The following ST3GAL6 variants were observed in gnomAD, a reference collection of about 807,000 sequenced individuals.
ST3GAL6 encodes the protein type 2 lactosamine alpha-2,3-sialyltransferase.
In ST3GAL6, 31 loss-of-function variants were observed where a neutral mutation model predicts 40.5. That is an observed-to-expected ratio of 0.77 (90% CI 0.58 to 1.03). The LOEUF (loss-of-function observed/expected upper bound fraction) is 1.03. ST3GAL6 is among the 50% of genes least tolerant of loss of function. The pLI is 0.00. For missense variants in ST3GAL6, 357 were observed against 393.2 expected (o/e 0.91, Z 0.78); for synonymous variants, 129 against 136.9 (o/e 0.94, Z 0.40).
intron 5 of ST3GAL6, among the ~76,000 whole-genome samples, chr3:98,779,488 T>C (rs751178134): frequency 1.1e-4 from 17 of 152,218 alleles, no homozygotes; most frequent in Non-Finnish European, 1.8e-4. Flanking sequence ...CATGATGGTA[T>C]TGAAGGGAAA....
chr3:98,776,350 C>T (rs1026284297), intron 5 of ST3GAL6, among the ~76,000 whole-genome samples: 1 of 152,186 alleles, frequency 6.6e-6, no homozygotes, highest in African/African-American at 2.4e-5. Context: ...TTATGTAGTT[C>T]TCATTTCTCT....
At chr3:98,763,277 A>G (rs1576074735), upstream of ST3GAL6, 1 of 1,277,378 alleles carries the variant, frequency 7.8e-7, no homozygotes, top group Non-Finnish European at 1.0e-6. Flanking sequence ...ATAAGTACAA[A>G]GAGGAAGGAA....
intron 1 of ST3GAL6, among the ~76,000 whole-genome samples, chr3:98,765,676 A>G (rs560520332): frequency 7.2e-5 from 11 of 152,010 alleles, no homozygotes; most frequent in Non-Finnish European, 1.3e-4. Context: ...CTCTACCCAC[A>G]TTTTTGTAAA....
At position 98,773,928 on chromosome 3, in the gene ST3GAL6, T is replaced by A; in HGVS notation, c.280T>A (p.Phe94Ile). 1 of 1,613,254 alleles carries A rather than the reference T, an allele frequency of 6.2e-7. No individual in the cohort carries two copies. Among genetic ancestry groups the A allele is most frequent in the African/African-American group, 1.3e-5 (1 of 75,036 alleles). The stretch of plus-strand genomic sequence containing the variant: ...CTCCATTTGTTTTCTAGCGGAATAT[T>A]TTCGACTTGCTCTTTCAAAACTGCA... ...PYGMRTSAEY[F>I]RLALSKLQSC... The change falls in exon 5 of 10, where the codon TTT (phenylalanine) becomes ATT (isoleucine). Residue 94 changes from phenylalanine to isoleucine, a missense_variant. Transcript: ENST00000483910.
chr3:98,736,914 G>A (rs142378592), intron 1 of ST3GAL6, among the ~76,000 whole-genome samples: 91 of 152,292 alleles, frequency 6.0e-4, no homozygotes, highest in Non-Finnish European at 9.3e-4. Context: ...GGAGTGGGAG[G>A]AGATGTAGTC....
intron 2 of ST3GAL6, 40 bp downstream of exon 2, chr3:98,768,569 A>G (rs371671729): frequency 1.0e-4 from 147 of 1,433,776 alleles, no homozygotes; most frequent in Non-Finnish European, 1.4e-4. Flanking sequence ...CTCTCAACCT[A>G]GTCTTTCACA....
intron 5 of ST3GAL6, among the ~76,000 whole-genome samples, chr3:98,775,286 G>A (rs1939424588): frequency 6.6e-6 from 1 of 152,066 alleles, no homozygotes; most frequent in Non-Finnish European, 1.5e-5. Context: ...GACCAGCCTG[G>A]CCAACATAGT....
At position 98,788,028 on chromosome 3, in the gene ST3GAL6, A is replaced by C; in HGVS notation, c.432-8A>C. ...GTCTACATATCTTGTATGTTTTACTATCCACAGAATGAATAATGGTCCTGT... is the reference window on the plus strand; with the variant it reads ...GTCTACATATCTTGTATGTTTTACTCTCCACAGAATGAATAATGGTCCTGT... On this transcript the variant is annotated splice_region_variant and splice_polypyrimidine_tract_variant and intron_variant, in intron 6 of 9. Coordinates refer to ENST00000483910, the MANE Select transcript of ST3GAL6 (RefSeq NM_001323368.2). The C allele has an allele frequency of 6.2e-7, 1 of 1,609,828 alleles. No individual in the cohort carries two copies. Among genetic ancestry groups the C allele is most frequent in the Non-Finnish European group, 8.5e-7 (1 of 1,178,202 alleles).
rs188800178 is a variant in ST3GAL6 at position 98,743,258 on chromosome 3, C to T, written c.-12+10726C>T. ...TGTTCTCCAACTCCTGAGCTCAGAG[C>T]GATCCATCAACCTTGGCCTCGCAAA... On this transcript the variant is annotated intron_variant, in intron 1 of 9. Transcript: ENST00000265261. 2.9e-3 allele frequency among the ~76,000 whole-genome samples: 448 copies of T among 151,888 alleles called. 2 individuals carry two copies. The highest frequency in any genetic ancestry group is 3.5e-3 in the Admixed American group (54 of 15,248).
chr3:98,771,050 T>A (rs772130907), intron 3 of ST3GAL6, 94 bp downstream of exon 3: 64 of 1,520,076 alleles, frequency 4.2e-5, no homozygotes, highest in Non-Finnish European at 5.6e-5. Context: ...AATGCAAATC[T>A]TAGCAGTATA....
chr3:98,757,771 A>G (rs1315003793), intron 1 of ST3GAL6, among the ~76,000 whole-genome samples: 1 of 152,126 alleles, frequency 6.6e-6, no homozygotes, highest in Non-Finnish European at 1.5e-5. Flanking sequence ...GATTAAAATA[A>G]GTCTATGTCT....
At chr3:98,755,449 A>G (rs1340809683) in intron 1 of ST3GAL6, among the ~76,000 whole-genome samples, 1 of 152,200 alleles carries the variant, frequency 6.6e-6, no homozygotes, top group Non-Finnish European at 1.5e-5. Context: ...CTGTCTCAAC[A>G]TCTTGTCTTT....
chr3:98,793,605 G>A (rs1941386817), intron 9 of ST3GAL6, 70 bp from the exon 10 acceptor site: 2 of 916,464 alleles, frequency 2.2e-6, no homozygotes, highest in East Asian at 2.9e-5. Context: ...TAGATATAAA[G>A]TACTCCATTG....
intron 1 of ST3GAL6, among the ~76,000 whole-genome samples, chr3:98,766,185 A>G (rs957540203): frequency 6.6e-6 from 1 of 152,184 alleles, no homozygotes; most frequent in African/African-American, 2.4e-5. Context: ...AAAACAACAA[A>G]ACAATAACAC....
rs71120600 is a variant in ST3GAL6, at chr3:98,745,013, C to CT, written c.-12+12493dup. On this transcript the variant is annotated intron_variant, in intron 1 of 9. Coordinates refer to the ST3GAL6 transcript ENST00000265261. ...AGATCGTCTTTAAACTGCCTTACAACTTTTTTTTTTTTAAATTTTATTTAT... is the reference window on the plus strand; with the variant it reads ...AGATCGTCTTTAAACTGCCTTACAACTTTTTTTTTTTTTAAATTTTATTTAT... Among the ~76,000 whole-genome samples, 597 of 146,900 alleles carry CT rather than the reference C, an allele frequency of 4.1e-3. 3 individuals are homozygous for CT. The highest frequency in any genetic ancestry group is 5.6e-3 in the African/African-American group (227 of 40,310).
In ST3GAL6 at chr3:98,769,429, T is replaced by TA. The variant is rs1159941568; in HGVS notation, c.89+903dup. Among the ~76,000 whole-genome samples the TA allele has an allele frequency of 2.0e-4, 30 of 152,348 alleles. 1 individual carries two copies. Among genetic ancestry groups the TA allele is most frequent in the Non-Finnish European group, 4.1e-4 (28 of 68,032 alleles). On this transcript the variant is annotated intron_variant, in intron 2 of 9. Transcript: ENST00000483910. Reference sequence around the variant, plus strand: ...AGAATTTTGAAGTCTGATTATGTACTAAATGAGGACTACATCAAGGGGATC... The same window carrying TA: ...AGAATTTTGAAGTCTGATTATGTACTAAAATGAGGACTACATCAAGGGGATC...
intron 3 of ST3GAL6, chr3:98,771,176 A>G (rs768836106): frequency 1.7e-4 from 252 of 1,467,730 alleles, no homozygotes; most frequent in Non-Finnish European, 2.2e-4. Context: ...TCAAACCAGT[A>G]TTCTTTTCAC....
intron 5 of ST3GAL6, among the ~76,000 whole-genome samples, chr3:98,778,527 A>G (rs572522594): frequency 2.6e-5 from 4 of 152,316 alleles, no homozygotes; most frequent in African/African-American, 7.2e-5. Flanking sequence ...AACAGAGTGA[A>G]TCATTTGTGG....
intron 1 of ST3GAL6, chr3:98,732,965 C>T (rs1396680553): frequency 4.7e-6 from 7 of 1,502,998 alleles, no homozygotes; most frequent in Non-Finnish European, 6.2e-6. Context: ...TGGGCCTCGG[C>T]GGGTCACTCT....
Sources: gnomAD v4.1 joint callset for allele counts (sites outside exome capture counted in the v4.1 genomes callset) on GRCh38, gnomAD v4.1.1 for gene constraint, MANE v1.5 for transcripts, NCBI Gene and HGNC (gene_info 2026-07-23, HGNC 2026-07-21) for gene names.